RAD54L2: variants seen among roughly 807,000 people sequenced by gnomAD.
RAD54L2 encodes RAD54 like 2, also known as helicase ARIP4.
RAD54L2 carries 27 observed loss-of-function variants against 138.4 expected under a neutral mutation model. The observed-to-expected ratio is 0.20, with a 90% CI of 0.14 to 0.27. The LOEUF (loss-of-function observed/expected upper bound fraction) is 0.27. Among genes scored for constraint, RAD54L2 ranks in the 10% least tolerant of loss-of-function variants. The pLI, the probability that RAD54L2 is intolerant of heterozygous loss-of-function variation, is 1.00. For synonymous variants in RAD54L2, 644 were observed against 723.2 expected (o/e 0.89, Z 1.76); for missense variants, 1,396 against 1,890.2 (o/e 0.74, Z 4.85).
At chr3:51,563,848 G>T (rs1559618229) in intron 2 of RAD54L2, among the ~76,000 whole-genome samples, 1 of 152,176 alleles carries the variant, frequency 6.6e-6, no homozygotes. Context: ...CTATCAGCTT[G>T]TTCTCCACAG....
chr3:51,628,643 G>A (rs142368161), intron 4 of RAD54L2, among the ~76,000 whole-genome samples: 3 of 151,978 alleles, frequency 2.0e-5, no homozygotes, highest in South Asian at 2.1e-4. Flanking sequence ...GCCCACCTTC[G>A]CCTCCCAAAG....
At chr3:51,577,867 A>G (rs1238846535) in intron 2 of RAD54L2, among the ~76,000 whole-genome samples, 1 of 152,148 alleles carries the variant, frequency 6.6e-6, no homozygotes. Flanking sequence ...GGAGCTGTAG[A>G]CTGGAGCTAT....
chr3:51,629,247 A>G, intron 4 of RAD54L2, 87 bp from the exon 5 acceptor site: 2 of 1,412,424 alleles, frequency 1.4e-6, no homozygotes, highest in Non-Finnish European at 1.9e-6. Flanking sequence ...CTCTGAGATC[A>G]TCAATGGCTA....
At chr3:51,655,192 A>G (rs748253022) in intron 19 of RAD54L2, among the ~76,000 whole-genome samples, 9 of 151,682 alleles carry the variant, frequency 5.9e-5, no homozygotes, top group Admixed American at 1.3e-4. Context: ...GAGGAAGAAC[A>G]TAACAGTCTT....
chr3:51,592,639 A>G (rs1313456028), intron 3 of RAD54L2, among the ~76,000 whole-genome samples: 1 of 150,076 alleles, frequency 6.7e-6, no homozygotes, highest in Non-Finnish European at 1.5e-5. Flanking sequence ...CAATGGCGCG[A>G]TCTCGGCTCA....
rs2106794636 is a variant in RAD54L2 at position 51,629,405 on chromosome 3, A to G, written c.413A>G (p.Lys138Arg). The G allele has an allele frequency of 6.2e-7, 1 of 1,609,326 alleles. No individual in the cohort carries two copies. The highest frequency in any genetic ancestry group is 1.1e-5 in the South Asian group (1 of 89,812). The change falls in exon 5 of 23, where the codon AAG becomes AGG. Residue 138 changes from lysine (K) to arginine (R), a missense_variant. Transcript: ENST00000684192. Reference protein sequence around the residue: ...AAQQEELERRKRLEQQRKDYA... With the variant: ...AAQQEELERRRRLEQQRKDYA... ...CAGCAAGAAGAGTTGGAAAGAAGGA[A>G]GCGCCTGGAGCAGCAGAGGAAAGAT... is the stretch of plus-strand genomic sequence containing the variant.
At position 51,662,251 on chromosome 3, in the gene RAD54L2, G is replaced by T. The variant is rs1039610719; in HGVS notation, c.3410-175G>T. On this transcript the variant is annotated intron_variant, in intron 22 of 22. Transcript: ENST00000684192. This position sits in a 1 kb window ranked among gnomAD's most constrained non-coding sequence, Gnocchi z 4.6. ...CTTGTCATAGATAGACCTATTTCTG[G>T]GATCAAAGAATTTCTTTGTGACTGG... Among the ~76,000 whole-genome samples the T allele has an allele frequency of 1.3e-5, 2 of 152,020 alleles. No homozygotes were observed. Among genetic ancestry groups the T allele is most frequent in the African/African-American group, 4.8e-5 (2 of 41,384 alleles).
intron 22 of RAD54L2, among the ~76,000 whole-genome samples, chr3:51,661,704 T>C (rs1275580667): frequency 6.6e-6 from 1 of 152,212 alleles, no homozygotes; most frequent in Non-Finnish European, 1.5e-5. Context: ...TACAGAAAAG[T>C]TGAAAAATAG....
chr3:51,608,972 C>T (rs1181812292), intron 3 of RAD54L2, among the ~76,000 whole-genome samples: 1 of 152,090 alleles, frequency 6.6e-6, no homozygotes, highest in East Asian at 1.9e-4. Context: ...CTCACTGCAA[C>T]CTCCCCCTCC....
In RAD54L2 at chr3:51,630,673, AT is replaced by A. The variant is rs781211280; in HGVS notation, c.599-27del. 25 of 1,565,394 alleles carry A rather than the reference AT, an allele frequency of 1.6e-5. No homozygotes were observed. In the South Asian group the frequency reaches 2.1e-4, roughly 13 times the overall value. ...GCAGTAAATTATCTTCACTCCCTGG[AT>A]TTTTGGTTTTGCTTTTTTTTGCTGT... On this transcript the variant is annotated intron_variant, in intron 6 of 22. Transcript: ENST00000684192.
chr3:51,638,657 G>A lies in RAD54L2; in HGVS notation c.1860+336G>A, dbSNP rs1701051341. On this transcript the variant is annotated intron_variant, in intron 12 of 22. Transcript: ENST00000684192. This position sits in a 1 kb window ranked among gnomAD's most constrained non-coding sequence, Gnocchi z 4.3. ...ATAATCAGAATTCAAGAGATATATA[G>A]CTTAGACAAGTTATTAGGGGTACCT... 4.6e-6 allele frequency: 1 copy of A among 218,240 alleles called. No homozygotes were observed. Among genetic ancestry groups the A allele is most frequent in the Non-Finnish European group, 9.1e-6 (1 of 110,240 alleles). 13.5% of individuals were successfully genotyped at this position (218,240 alleles called of 1,614,324 possible). A position where few individuals can be genotyped will look rare whatever the true frequency, so the allele number is the denominator to read the frequency against.
chr3:51,620,431 T>TTA (rs1700545061), intron 3 of RAD54L2, among the ~76,000 whole-genome samples: 1 of 146,532 alleles, frequency 6.8e-6, no homozygotes, highest in Admixed American at 6.8e-5. Flanking sequence ...TTTTTTTTTT[T>TTA]AACTTTTAGG....
intron 19 of RAD54L2, 128 bp from the exon 20 acceptor site, chr3:51,655,843 C>A: frequency 1.3e-6 from 1 of 787,640 alleles, no homozygotes; most frequent in Non-Finnish European, 2.0e-6. Flanking sequence ...CCTGCAGATT[C>A]TTCTGATCCT....
At chr3:51,658,998 C>T (rs1455500511) in intron 21 of RAD54L2, among the ~76,000 whole-genome samples, 1 of 151,286 alleles carries the variant, frequency 6.6e-6, no homozygotes, top group African/African-American at 2.4e-5. Context: ...TTTTGGAGTA[C>T]AGTCATGCCA....
chr3:51,547,652 G>A (rs960318971), intron 2 of RAD54L2, among the ~76,000 whole-genome samples: 1 of 149,964 alleles, frequency 6.7e-6, no homozygotes, highest in Non-Finnish European at 1.5e-5. Flanking sequence ...CATGATCTCA[G>A]CTCACTGCAG....
Position 51,662,985 on chromosome 3 carries a change from C to T in RAD54L2, c.3969C>T (p.Thr1323=), listed in dbSNP as rs2106861964. ...AGENSLFMGS[T]PSYYQLSNLL... ...AGAACTCCCTGTTTATGGGCAGTAC[C>T]CCCTCCTACTACCAGCTGTCCAATT... Residue 1323 remains threonine, a synonymous_variant, in exon 23 of 23, where the codon ACC becomes ACT. Transcript: ENST00000684192. The surrounding 1 kb of genome is among the most constrained non-coding windows in gnomAD (Gnocchi z 4.6). The T allele has an allele frequency of 6.2e-7, 1 of 1,613,950 alleles. No individual in the cohort carries two copies.
intron 7 of RAD54L2, 88 bp from the exon 8 acceptor site, chr3:51,633,489 A>T (rs1041950698): frequency 1.5e-6 from 2 of 1,303,214 alleles, no homozygotes; most frequent in African/African-American, 1.5e-5. Flanking sequence ...CTTCTCACTT[A>T]CTTAATTCTT....
Position 51,639,690 on chromosome 3 carries a change from C to G in RAD54L2, c.2112+20C>G. ...GAATGGGTGAGTCAAGCAGATCCTT[C>G]AGGAACCATAAACTATTGCTGAGAA... On this transcript the variant is annotated intron_variant, in intron 13 of 22. Coordinates refer to ENST00000684192, the MANE Select transcript of RAD54L2 (RefSeq NM_015106.4). 6.2e-7 allele frequency: 1 copy of G among 1,611,984 alleles called. No individual in the cohort carries two copies. The highest frequency in any genetic ancestry group is 1.3e-5 in the African/African-American group (1 of 75,018).
intron 3 of RAD54L2, chr3:51,611,638 G>C (rs886562438): frequency 2.0e-5 from 3 of 151,274 alleles, no homozygotes; most frequent in Admixed American, 6.6e-5. Context: ...TTGGCTCACT[G>C]CAACCTCAGC....
Sources: allele counts gnomAD v4.1 joint callset (sites outside exome capture counted in the v4.1 genomes callset), GRCh38; gene constraint gnomAD v4.1.1; non-coding constraint Gnocchi (gnomAD v3.1); transcripts MANE v1.5; gene names NCBI Gene and HGNC (gene_info 2026-07-23, HGNC 2026-07-21).